Variants in LDLRAD4 observed in about 807,000 individuals in gnomAD.
LDLRAD4 encodes low density lipoprotein receptor class A domain containing 4.
A neutral mutation model predicts 17.0 loss-of-function variants in LDLRAD4; 5 were observed. That is an observed-to-expected ratio of 0.29 (90% CI 0.15 to 0.62). LDLRAD4 has a LOEUF of 0.62. Among genes scored for constraint, LDLRAD4 ranks in the 20% least tolerant of loss-of-function variants. The pLI is 0.84. For missense variants in LDLRAD4, 340 were observed against 424.7 expected (o/e 0.80, Z 1.75); for synonymous variants, 168 against 171.8 (o/e 0.98, Z 0.17).
At chr18:13,387,369 G>C (rs2085918479) in exon 2 of LDLRAD4, 1 of 223,602 alleles carries the variant, frequency 4.5e-6, no homozygotes, top group African/African-American at 2.3e-5. Flanking sequence ...GAGAGCTGCG[G>C]CTGGGACAAG....
chr18:13,545,396 T>G (rs2094347118), intron 3 of LDLRAD4, among the ~76,000 whole-genome samples: 1 of 152,238 alleles, frequency 6.6e-6, no homozygotes, highest in South Asian at 2.1e-4. Flanking sequence ...CCAAAATGTA[T>G]GGTGAGCCCT....
At chr18:13,268,856 T>A (rs1024706228) in intron 1 of LDLRAD4, among the ~76,000 whole-genome samples, 1 of 152,342 alleles carries the variant, frequency 6.6e-6, no homozygotes, top group South Asian at 2.1e-4. Flanking sequence ...GAGGAAATGA[T>A]CCTGAGACAA....
At position 13,402,845 on chromosome 18, in the gene LDLRAD4, G is replaced by A. The variant is rs1490452455; in HGVS notation, c.40+15083G>A. Among the ~76,000 whole-genome samples the A allele has an allele frequency of 2.6e-5, 4 of 152,200 alleles. No individual in the cohort carries two copies. In the East Asian group the frequency reaches 7.7e-4, roughly 29 times the overall value. On this transcript the variant is annotated intron_variant, in intron 2 of 5. Transcript: ENST00000359446. ...TTTTATCAGGAACATGGGTAAAGGT[G>A]ATGAAAAACATGCTTATCACATTTG...
chr18:13,623,457 A>G (rs2040841200), intron 4 of LDLRAD4, among the ~76,000 whole-genome samples: 1 of 152,096 alleles, frequency 6.6e-6, no homozygotes, highest in South Asian at 2.1e-4. Flanking sequence ...GCACCGAGCT[A>G]TTTCTCCTTT....
chr18:13,309,783 A>G lies in LDLRAD4; in HGVS notation c.-383+31595A>G, dbSNP rs142132503. On this transcript the variant is annotated intron_variant, in intron 1 of 5. Transcript: ENST00000359446. ...AGGAAAGGTGGGAGAGAGGGCCTTC[A>G]GTGACTGTACCAAAGACTCACAGAC... Among the ~76,000 whole-genome samples, 256 of 152,246 alleles carry G rather than the reference A, an allele frequency of 1.7e-3. 2 individuals carry two copies. The highest frequency in any genetic ancestry group is 5.9e-3 in the African/African-American group (247 of 41,538).
At chr18:13,598,153 G>C (rs975430810) in intron 3 of LDLRAD4, among the ~76,000 whole-genome samples, 1 of 152,166 alleles carries the variant, frequency 6.6e-6, no homozygotes, top group African/African-American at 2.4e-5. Context: ...TCTAGAGACG[G>C]ATTTTCTCCT....
At chr18:13,397,851 G>C (rs1441084398) in intron 2 of LDLRAD4, among the ~76,000 whole-genome samples, 1 of 152,218 alleles carries the variant, frequency 6.6e-6, no homozygotes, top group Non-Finnish European at 1.5e-5. Context: ...AATTCAGGGT[G>C]TTTTCCCTGC....
At chr18:13,251,751 A>G (rs950497592) in intron 1 of LDLRAD4, among the ~76,000 whole-genome samples, 4 of 152,256 alleles carry the variant, frequency 2.6e-5, no homozygotes, top group Non-Finnish European at 4.4e-5. Flanking sequence ...AGTACTTGGA[A>G]GAAGTACTGT....
intron 1 of LDLRAD4, among the ~76,000 whole-genome samples, chr18:13,295,317 A>G (rs1294792430): frequency 1.3e-5 from 2 of 152,160 alleles, no homozygotes; most frequent in Admixed American, 6.5e-5. Context: ...GGATGGCCTC[A>G]AAGTTGATTA....
intron 3 of LDLRAD4, among the ~76,000 whole-genome samples, chr18:13,475,301 A>C (rs2092909251): frequency 6.6e-6 from 1 of 152,212 alleles, no homozygotes; most frequent in South Asian, 2.1e-4. Flanking sequence ...CGGAGACAAC[A>C]GGATCCCTGG....
intron 1 of LDLRAD4, among the ~76,000 whole-genome samples, chr18:13,228,461 C>T (rs760101728): frequency 1.3e-5 from 2 of 152,142 alleles, no homozygotes; most frequent in African/African-American, 4.8e-5. Flanking sequence ...TCTGATTTGA[C>T]CTTGCTGTTT....
rs537768714 is a variant in LDLRAD4, at chr18:13,316,015, G to T, written c.-383+37827G>T. ...AGAGCCACGGAGATGTGGAGAAAAG[G>T]CCCAGCGTGCAAAGGTGAGGGACGG... On this transcript the variant is annotated intron_variant, in intron 1 of 5. Transcript: ENST00000359446. Among the ~76,000 whole-genome samples, 11 of 152,192 alleles carry T rather than the reference G, an allele frequency of 7.2e-5. No homozygotes were observed. In the South Asian group the frequency reaches 1.0e-3, roughly 14 times the overall value.
chr18:13,259,068 A>G lies in LDLRAD4; in HGVS notation c.-466-19037A>G, dbSNP rs547746799. 4.9e-4 allele frequency among the ~76,000 whole-genome samples: 75 copies of G among 152,278 alleles called. No individual in the cohort carries two copies. The South Asian group carries it at 0.015, about 30-fold the overall frequency. On this transcript the variant is annotated intron_variant, in intron 1 of 5. Transcript: ENST00000399848. ...ACTGAGTATTCCTGAAACAAATGCT[A>G]TTTCTGGCTGCTGCCATTCCCGCAG...
intron 1 of LDLRAD4, among the ~76,000 whole-genome samples, chr18:13,375,163 A>C (rs947845327): frequency 6.6e-6 from 1 of 152,134 alleles, no homozygotes; most frequent in African/African-American, 2.4e-5. Flanking sequence ...GCTTTGCCCA[A>C]GTTTACCTCT....
At chr18:13,544,959 T>C (rs1007930505) in intron 3 of LDLRAD4, among the ~76,000 whole-genome samples, 1 of 151,868 alleles carries the variant, frequency 6.6e-6, no homozygotes, top group African/African-American at 2.4e-5. Flanking sequence ...GTATTACTTT[T>C]ATAATTGAAA....
chr18:13,445,850 C>G (rs1281719785), intron 3 of LDLRAD4, among the ~76,000 whole-genome samples: 1 of 151,892 alleles, frequency 6.6e-6, no homozygotes, highest in Non-Finnish European at 1.5e-5. Context: ...CTGTGTGGTG[C>G]ATGTGTGCAT....
At chr18:13,227,867 A>G (rs540950240) in intron 1 of LDLRAD4, among the ~76,000 whole-genome samples, 1 of 152,296 alleles carries the variant, frequency 6.6e-6, no homozygotes, top group African/African-American at 2.4e-5. Flanking sequence ...ACACATGGGG[A>G]TTACAATTTG....
intron 3 of LDLRAD4, among the ~76,000 whole-genome samples, chr18:13,606,647 C>CA (rs757703676): frequency 1.3e-5 from 2 of 152,190 alleles, no homozygotes; most frequent in Non-Finnish European, 2.9e-5. Context: ...CCACAAATAT[C>CA]AAACTATTTC....
At chr18:13,315,186 C>A (rs1357404475) in intron 1 of LDLRAD4, among the ~76,000 whole-genome samples, 1 of 152,182 alleles carries the variant, frequency 6.6e-6, no homozygotes, top group Non-Finnish European at 1.5e-5. Flanking sequence ...CAGCCTTGAA[C>A]CCACTCAGTT....
Sources: allele counts gnomAD v4.1 joint callset (sites outside exome capture counted in the v4.1 genomes callset), GRCh38; gene constraint gnomAD v4.1.1; transcripts MANE v1.5; gene names NCBI Gene and HGNC (gene_info 2026-07-23, HGNC 2026-07-21).